The following RHOBTB2 variants were observed in gnomAD, a reference collection of about 807,000 sequenced individuals.
RHOBTB2 encodes the protein Rho related BTB domain containing 2.
In RHOBTB2, 39 loss-of-function variants were observed where a neutral mutation model predicts 66.5. The ratio of observed to expected loss-of-function variants is 0.59; its 90% CI spans 0.45 to 0.77. The LOEUF (loss-of-function observed/expected upper bound fraction) is 0.77, where lower values mean the gene tolerates loss of function less well. RHOBTB2 is among the 30% of genes least tolerant of loss of function. The pLI, the probability that RHOBTB2 is intolerant of heterozygous loss-of-function variation, is 0.00. For synonymous variants in RHOBTB2, 390 were observed against 395.0 expected (o/e 0.99, Z 0.15); for missense variants, 755 against 999.1 (o/e 0.76, Z 3.29).
chr8:22,969,305 G>T, the RHOBTB2 span, among the ~76,000 whole-genome samples: 1 of 152,070 alleles, frequency 6.6e-6, no homozygotes, highest in Non-Finnish European at 1.5e-5. Flanking sequence ...TCCACAACAT[G>T]TGGGAATTAT....
Position 23,006,818 on chromosome 8 carries a change from G to A in RHOBTB2, c.573G>A (p.Val191=). 1.9e-6 allele frequency: 3 copies of A among 1,614,144 alleles called. No individual in the cohort carries two copies. The highest frequency in any genetic ancestry group is 2.2e-5 in the South Asian group (2 of 91,082). Residue 191 remains valine (V), a synonymous_variant, in exon 5 of 10, where the codon GTG becomes GTA. Coordinates refer to ENST00000251822, the MANE Select transcript of RHOBTB2 (RefSeq NM_015178.3). This position sits in a 1 kb window ranked among gnomAD's most constrained non-coding sequence, Gnocchi z 6.1. ...LGIPYYETSV[V]AQFGIKDVFD... ...TCCCCTACTATGAGACCAGCGTGGT[G>A]GCCCAGTTCGGCATCAAGGACGTCT... is the stretch of plus-strand genomic sequence containing the variant.
At chr8:22,960,144 C>G in the RHOBTB2 span, among the ~76,000 whole-genome samples, 5 of 150,382 alleles carry the variant, frequency 3.3e-5, no homozygotes, top group Non-Finnish European at 7.4e-5. Flanking sequence ...GATCACGGCA[C>G]TGTACTCTAG....
chr8:22,978,092 A>T, the RHOBTB2 span: 2 of 152,094 alleles, frequency 1.3e-5, no homozygotes, highest in Non-Finnish European at 2.9e-5. Flanking sequence ...TAGCCACCAC[A>T]CTCCAGCCTG....
upstream of RHOBTB2, among the ~76,000 whole-genome samples, chr8:22,986,133 G>A (rs1229082681): frequency 2.2e-5 from 3 of 138,314 alleles, no homozygotes; most frequent in African/African-American, 8.7e-5. Context: ...CTGCAAGGAC[G>A]GTGGACTTCT....
At chr8:22,958,425 GA>G in the RHOBTB2 span, among the ~76,000 whole-genome samples, 1 of 152,164 alleles carries the variant, frequency 6.6e-6, no homozygotes, top group Non-Finnish European at 1.5e-5. Flanking sequence ...CTTGAAACTT[GA>G]AGGAACTTGT....
chr8:22,967,979 A>T, the RHOBTB2 span, among the ~76,000 whole-genome samples: 1 of 152,084 alleles, frequency 6.6e-6, no homozygotes, highest in African/African-American at 2.4e-5. Context: ...CAACATGGTA[A>T]AACCCCATCT....
At chr8:23,013,931 C>T (rs909920496) in intron 7 of RHOBTB2, among the ~76,000 whole-genome samples, 1 of 152,198 alleles carries the variant, frequency 6.6e-6, no homozygotes, top group Non-Finnish European at 1.5e-5. Flanking sequence ...TACGAGCTTC[C>T]TCTCTATCTG....
chr8:23,006,080 C>A lies in RHOBTB2; in HGVS notation c.417C>A (p.Gly139=), dbSNP rs1475576593. 4.6e-5 allele frequency: 75 copies of A among 1,613,982 alleles called. No individual in the cohort carries two copies. Among genetic ancestry groups the A allele is most frequent in the Non-Finnish European group, 5.9e-5 (70 of 1,180,018 alleles). ...FCPRAPVILV[G]CQLDLRYADL... Reference sequence around the variant, plus strand: ...CCCGAGCACCTGTCATCTTGGTGGGCTGCCAGTTGGACCTGCGCTACGCTG... The same window carrying A: ...CCCGAGCACCTGTCATCTTGGTGGGATGCCAGTTGGACCTGCGCTACGCTG... Residue 139 remains glycine, a synonymous_variant, in exon 4 of 10, where the codon GGC becomes GGA. Coordinates refer to ENST00000251822, the MANE Select transcript of RHOBTB2 (RefSeq NM_015178.3). The surrounding 1 kb of genome is among the most constrained non-coding windows in gnomAD (Gnocchi z 6.1).
the RHOBTB2 span, among the ~76,000 whole-genome samples, chr8:22,967,126 C>T: frequency 7.2e-4 from 110 of 152,264 alleles, no homozygotes; most frequent in African/African-American, 2.6e-3. Context: ...TAACTTGAAG[C>T]AACCCAAGTG....
rs1336140596 is a variant in RHOBTB2, at chr8:23,019,467, G to GAAGCCCGA, written c.*2004_*2005insGAAAGCCC. On this transcript the variant is annotated 3_prime_UTR_variant, in exon 10 of 10. Transcript: ENST00000251822. Reference sequence around the variant, plus strand: ...AGCCCAGGGCTCCAAGTGAGGCCCAGAAGCCCATGGGCAGGGCTGGGGGGA... The same window carrying GAAGCCCGA: ...AGCCCAGGGCTCCAAGTGAGGCCCAGAAGCCCGAAAGCCCATGGGCAGGGCTGGGGGGA... 3 of 152,454 alleles carry GAAGCCCGA rather than the reference G, an allele frequency of 2.0e-5. No individual in the cohort carries two copies. Among genetic ancestry groups the GAAGCCCGA allele is most frequent in the Non-Finnish European group, 4.4e-5 (3 of 68,232 alleles). 9.4% of individuals were successfully genotyped at this position (152,454 alleles called of 1,614,324 possible).
intron 1 of RHOBTB2, 130 bp downstream of exon 1, chr8:23,000,235 T>C: frequency 1.3e-5 from 7 of 551,864 alleles, no homozygotes; most frequent in Middle Eastern, 9.0e-4. Context: ...GGGCTCTGGC[T>C]TCGGCTGCTG....
the RHOBTB2 span, among the ~76,000 whole-genome samples, chr8:22,955,760 C>T: frequency 1.3e-5 from 2 of 151,756 alleles, no homozygotes; most frequent in Admixed American, 6.6e-5. Flanking sequence ...TGTAGAGATG[C>T]GGTCTCATTA....
At chr8:22,969,263 C>T in the RHOBTB2 span, among the ~76,000 whole-genome samples, 14 of 152,208 alleles carry the variant, frequency 9.2e-5, no homozygotes, top group Admixed American at 6.5e-5. Flanking sequence ...CCCCCACCCC[C>T]GCATGATTCA....
intron 7 of RHOBTB2, among the ~76,000 whole-genome samples, chr8:23,013,792 G>C (rs1332863814): frequency 9.2e-5 from 14 of 152,200 alleles, no homozygotes. Context: ...CACCGTGCCC[G>C]GCCAGTTGTT....
rs1211242747 is a variant in RHOBTB2 at position 23,007,241 on chromosome 8, C to G, written c.996C>G (p.His332Gln). ...ATCAACACCACCACCATCACCACCACCACCATGGGCGAGACTTCCTGCTCC... is the reference window on the plus strand; with the variant it reads ...ATCAACACCACCACCATCACCACCAGCACCATGGGCGAGACTTCCTGCTCC... ...HSDQHHHHHH[H>Q]HHGRDFLLRA... Residue 332 changes from histidine (H) to glutamine (Q), a missense_variant, in exon 5 of 10, where the codon CAC (histidine) becomes CAG (glutamine). This residue lies in a region of RHOBTB2 where 247 missense variants were observed against 238.9 expected (regional missense o/e 1.03). Coordinates refer to ENST00000251822, the MANE Select transcript of RHOBTB2 (RefSeq NM_015178.3). 7 of 1,611,040 alleles carry G rather than the reference C, an allele frequency of 4.3e-6. No individual in the cohort carries two copies. The highest frequency in any genetic ancestry group is 5.9e-6 in the Non-Finnish European group (7 of 1,179,830).
At chr8:22,988,151 CCCTTTTTTTTTT>C (rs1188021595) in intron 1 of RHOBTB2, among the ~76,000 whole-genome samples, 8 of 135,340 alleles carry the variant, frequency 5.9e-5, no homozygotes, top group African/African-American at 2.2e-4. Context: ...CTGCTCCTTC[CCCTTTTTTTTTT>C]TTTTTTTTTT....
Position 23,016,395 on chromosome 8 carries a change from A to G in RHOBTB2, c.1966+652A>G, listed in dbSNP as rs531099649. On this transcript the variant is annotated intron_variant, in intron 9 of 9. Coordinates refer to ENST00000251822, the MANE Select transcript of RHOBTB2 (RefSeq NM_015178.3). Reference sequence around the variant, plus strand: ...GATCTCTCCTTTTCACTACTACAACACTTTTAAAAAAAAATTATTTATTTA... The same window carrying G: ...GATCTCTCCTTTTCACTACTACAACGCTTTTAAAAAAAAATTATTTATTTA... Among the ~76,000 whole-genome samples, 26 of 151,856 alleles carry G rather than the reference A, an allele frequency of 1.7e-4. No homozygotes were observed. In the East Asian group the frequency reaches 4.5e-3, roughly 26 times the overall value.
At position 23,007,706 on chromosome 8, in the gene RHOBTB2, C is replaced by G; in HGVS notation, c.1461C>G (p.Thr487=). ...CCAAGGCCTTCCACGTCCGCCGGAC[C>G]AACCGGGTTAAGGAGTGCTTGGCAA... ...EITKAFHVRR[T]NRVKECLAKG... is the part of the protein sequence containing the mutation. Residue 487 remains threonine (T), a synonymous_variant, in exon 5 of 10, where the codon ACC becomes ACG. Coordinates refer to ENST00000251822, the MANE Select transcript of RHOBTB2 (RefSeq NM_015178.3). 1.2e-6 allele frequency: 2 copies of G among 1,614,172 alleles called. No homozygotes were observed. The highest frequency in any genetic ancestry group is 1.7e-6 in the Non-Finnish European group (2 of 1,180,030).
intron 1 of RHOBTB2, among the ~76,000 whole-genome samples, chr8:22,990,652 G>C (rs1810402689): frequency 6.6e-6 from 1 of 152,208 alleles, no homozygotes; most frequent in Non-Finnish European, 1.5e-5. Flanking sequence ...ATGTGACCTA[G>C]AGTGAATGTT....
Sources: gnomAD v4.1 joint callset for allele counts (sites outside exome capture counted in the v4.1 genomes callset) on GRCh38, gnomAD v4.1.1 for gene constraint, gnomAD v4.1.1 regional missense constraint, Gnocchi (gnomAD v3.1) non-coding constraint, MANE v1.5 for transcripts, NCBI Gene and HGNC (gene_info 2026-07-23, HGNC 2026-07-21) for gene names.